Variants in EPHB6 observed in about 807,000 individuals in gnomAD.
EPHB6 encodes the protein EPH receptor B6.
In EPHB6, 51 loss-of-function variants were observed where a neutral mutation model predicts 107.0. The ratio of observed to expected loss-of-function variants is 0.48; its 90% CI spans 0.38 to 0.60. The LOEUF (loss-of-function observed/expected upper bound fraction) is 0.60, where lower values mean the gene tolerates loss of function less well. Among genes scored for constraint, EPHB6 ranks in the 20% least tolerant of loss-of-function variants. The probability of loss-of-function intolerance (pLI) is 0.00; values close to 1 mark genes in which losing one functional copy is unlikely to be tolerated. For synonymous variants in EPHB6, 553 were observed against 549.0 expected (o/e 1.01, Z -0.10); for missense variants, 1,141 against 1,355.5 (o/e 0.84, Z 2.48).
At chr7:142,865,657 G>C (rs1803118154) in intron 8 of EPHB6, 27 bp downstream of exon 8, 1 of 1,610,994 alleles carries the variant, frequency 6.2e-7, no homozygotes, top group Non-Finnish European at 8.5e-7. Flanking sequence ...GCCCTGCAAT[G>C]GGAAAGAGAC....
chr7:142,865,414 G>A (rs1490831815), intron 7 of EPHB6, 61 bp from the exon 8 acceptor site: 1 of 1,606,274 alleles, frequency 6.2e-7, no homozygotes, highest in East Asian at 2.2e-5. Context: ...GCTGTGTGTT[G>A]GGAGCTCAGG....
At position 142,865,950 on chromosome 7, in the gene EPHB6, G is replaced by A. The variant is rs1480930191; in HGVS notation, c.1106-10G>A. On this transcript the variant is annotated splice_polypyrimidine_tract_variant and intron_variant, in intron 8 of 19. Coordinates refer to ENST00000652003, the MANE Select transcript of EPHB6 (RefSeq NM_004445.6). ...TGGCCCTTGGACTGCCATATCCTCC[G>A]GCCCCCCAGGTCCTCCATCGGCTCC... The A allele has an allele frequency of 3.1e-6, 5 of 1,613,142 alleles. No homozygotes were observed. Among genetic ancestry groups the A allele is most frequent in the East Asian group, 4.5e-5 (2 of 44,854 alleles).
In EPHB6 at chr7:142,869,861, A is replaced by G. The variant is rs369501254; in HGVS notation, c.2505A>G (p.Ala835=). 3 of 1,614,112 alleles carry G rather than the reference A, an allele frequency of 1.9e-6. No individual in the cohort carries two copies. The African/African-American group carries it at 4.0e-5, about 22-fold the overall frequency. The part of the protein sequence containing the change: ...LLRWAAPEVI[A]HGKHTTSSDV... ...GCTGGGCAGCCCCAGAGGTCATTGC[A>G]CATGGAAAGCATACAACATCCAGTG... The change falls in exon 17 of 20, where the codon GCA becomes GCG. Residue 835 remains alanine (A), a synonymous_variant. Transcript: ENST00000652003. This position sits in a 1 kb window ranked among gnomAD's most constrained non-coding sequence, Gnocchi z 4.5.
chr7:142,868,051 T>C lies in EPHB6; in HGVS notation c.1918+2T>C. 1.2e-6 allele frequency: 2 copies of C among 1,601,304 alleles called. No individual in the cohort carries two copies. Among genetic ancestry groups the C allele is most frequent in the East Asian group, 2.3e-5 (1 of 44,268 alleles). On this transcript the variant is annotated splice_donor_variant, in intron 13 of 19. Transcript: ENST00000652003. LOFTEE classifies it high-confidence loss of function. This position sits in a 1 kb window ranked among gnomAD's most constrained non-coding sequence, Gnocchi z 4.2. Reference sequence around the variant, plus strand: ...AGCTGCAGCAATACAGCAGCCCAGGTGGGGATGAGGAGAGGAAATGGGTGG... The same window carrying C: ...AGCTGCAGCAATACAGCAGCCCAGGCGGGGATGAGGAGAGGAAATGGGTGG...
At chr7:142,870,728 CT>C (rs774977197) in intron 19 of EPHB6, 43 bp downstream of exon 19, 1 of 1,613,992 alleles carries the variant, frequency 6.2e-7, no homozygotes. Context: ...CTCCAGGCCC[CT>C]GGCTGGGGGT....
rs1464221384 is a variant in EPHB6, at chr7:142,869,738, A to G, written c.2461-79A>G. 2.6e-6 allele frequency: 4 copies of G among 1,526,116 alleles called. No homozygotes were observed. The highest frequency in any genetic ancestry group is 3.6e-6 in the Non-Finnish European group (4 of 1,111,228). The allele number at this position is 1,526,116 out of a possible 1,614,324, so 94.5% of individuals were successfully genotyped here. On this transcript the variant is annotated intron_variant, in intron 16 of 19. Coordinates refer to ENST00000652003, the MANE Select transcript of EPHB6 (RefSeq NM_004445.6). The surrounding 1 kb of genome is among the most constrained non-coding windows in gnomAD (Gnocchi z 4.5). ...ATGCTTGATGTAAAACCCTTGGCATATCTGAGCACATAGTAGTTGCTCAAT... is the reference window on the plus strand; with the variant it reads ...ATGCTTGATGTAAAACCCTTGGCATGTCTGAGCACATAGTAGTTGCTCAAT...
Position 142,867,398 on chromosome 7 carries a change from A to ATG in EPHB6, c.1751-198_1751-197dup, listed in dbSNP as rs1030947220. On this transcript the variant is annotated intron_variant, in intron 11 of 19. Coordinates refer to ENST00000652003, the MANE Select transcript of EPHB6 (RefSeq NM_004445.6). The surrounding 1 kb of genome is among the most constrained non-coding windows in gnomAD (Gnocchi z 5.3). Reference sequence around the variant, plus strand: ...TGTGTGGATGTGGAGGGCTGTGGGGATGTGTGTGTGTGTTGTGTGTCCCTG... The same window carrying ATG: ...TGTGTGGATGTGGAGGGCTGTGGGGATGTGTGTGTGTGTGTTGTGTGTCCCTG... The ATG allele has an allele frequency of 5.5e-5, 35 of 637,892 alleles. No individual in the cohort carries two copies. Among genetic ancestry groups the ATG allele is most frequent in the Non-Finnish European group, 8.8e-5 (31 of 351,520 alleles). 39.5% of individuals were successfully genotyped at this position (637,892 alleles called of 1,614,324 possible).
chr7:142,861,858 G>C (rs915288529), intron 2 of EPHB6, 159 bp from the exon 3 acceptor site: 9 of 152,208 alleles, frequency 5.9e-5, no homozygotes, highest in African/African-American at 2.2e-4. Context: ...CCTCCCAAGA[G>C]AATATTCCAA....
chr7:142,863,842 C>G (rs1257595615), intron 6 of EPHB6, 124 bp from the exon 7 acceptor site: 2 of 1,506,536 alleles, frequency 1.3e-6, no homozygotes, highest in African/African-American at 2.8e-5. Context: ...AAGGTATCCT[C>G]TATCTGCTTT....
intron 1 of EPHB6, among the ~76,000 whole-genome samples, chr7:142,860,193 A>G (rs1369004140): frequency 6.6e-6 from 1 of 152,220 alleles, no homozygotes; most frequent in Non-Finnish European, 1.5e-5. Context: ...TAAGCTTGAG[A>G]AGACACAGGG....
chr7:142,868,962 C>T lies in EPHB6; in HGVS notation c.2287-12C>T, dbSNP rs575996209. The T allele has an allele frequency of 8.0e-5, 128 of 1,606,100 alleles. 3 individuals are homozygous for T. In the South Asian group the frequency reaches 1.4e-3, roughly 17 times the overall value. On this transcript the variant is annotated splice_polypyrimidine_tract_variant and intron_variant, in intron 15 of 19. Transcript: ENST00000652003. This position sits in a 1 kb window ranked among gnomAD's most constrained non-coding sequence, Gnocchi z 4.2. ...CGATCACTGACCTCTGCCCCCTGCC[C>T]CTTCCCCTCAGCAGCGGGAGGGCCA...
chr7:142,866,736 C>T lies in EPHB6; in HGVS notation c.1587+131C>T. ...AACAGGGCTGGCAGGAGCTCACAGTCCCCACAGTAGGGGCCAGAGGCTGAA... is the reference window on the plus strand; with the variant it reads ...AACAGGGCTGGCAGGAGCTCACAGTTCCCACAGTAGGGGCCAGAGGCTGAA... On this transcript the variant is annotated intron_variant, in intron 10 of 19. Coordinates refer to ENST00000652003, the MANE Select transcript of EPHB6 (RefSeq NM_004445.6). This position sits in a 1 kb window ranked among gnomAD's most constrained non-coding sequence, Gnocchi z 5.2. 6.3e-7 allele frequency: 1 copy of T among 1,583,830 alleles called. No individual in the cohort carries two copies. Among genetic ancestry groups the T allele is most frequent in the Non-Finnish European group, 8.6e-7 (1 of 1,157,832 alleles).
In EPHB6 at chr7:142,864,008, C is replaced by T. The variant is rs1802984293; in HGVS notation, c.208C>T (p.Arg70Trp). 1.9e-6 allele frequency: 3 copies of T among 1,614,180 alleles called. No individual in the cohort carries two copies. The highest frequency in any genetic ancestry group is 1.7e-6 in the Non-Finnish European group (2 of 1,180,030). ...TCTGGACGACCAGCGACGCCTGACT[C>T]GGACCTTTGAGGCATGTCATGTGGC... ...SVLDDQRRLTRTFEACHVAGA... is the reference protein window; with the variant it reads ...SVLDDQRRLTWTFEACHVAGA... Residue 70 changes from arginine (R) to tryptophan (W), a missense_variant, in exon 7 of 20, where the codon CGG becomes TGG. Transcript: ENST00000652003.
intron 1 of EPHB6, among the ~76,000 whole-genome samples, chr7:142,857,904 T>A (rs1802677517): frequency 6.6e-6 from 1 of 152,236 alleles, no homozygotes; most frequent in Admixed American, 6.5e-5. Flanking sequence ...ATTACTTCAC[T>A]CATTCATTCT....
rs765172441 is a variant in EPHB6 at position 142,862,107 on chromosome 7, G to C, written c.-206G>C. The C allele has an allele frequency of 5.3e-5, 8 of 152,184 alleles. No individual in the cohort carries two copies. The highest frequency in any genetic ancestry group is 1.2e-4 in the Non-Finnish European group (8 of 68,048). The allele number at this position is 152,184 out of a possible 1,614,324, so 9.4% of individuals were successfully genotyped here. On this transcript the variant is annotated 5_prime_UTR_variant, in exon 3 of 20. Transcript: ENST00000652003. ...TAGGTTTCAGACTGCCCTCTTCTTT[G>C]TTGTGTCCTCGAATGGCAGAAAAAG...
chr7:142,861,328 A>G (rs8177127), intron 2 of EPHB6, 142 bp downstream of exon 2: 18 of 146,310 alleles, frequency 1.2e-4, no homozygotes, highest in African/African-American at 5.0e-4. Flanking sequence ...GATTAACTTT[A>G]CTAAACAGTT....
Position 142,868,017 on chromosome 7 carries a change from A to G in EPHB6, c.1886A>G (p.Tyr629Cys). 1 of 1,587,750 alleles carries G rather than the reference A, an allele frequency of 6.3e-7. No individual in the cohort carries two copies. Among genetic ancestry groups the G allele is most frequent in the Non-Finnish European group, 8.6e-7 (1 of 1,167,018 alleles). ...CTCAGGAAGCGGCGTGGGACTGGCTACACAGAGCAGCTGCAGCAATACAGC... is the reference window on the plus strand; with the variant it reads ...CTCAGGAAGCGGCGTGGGACTGGCTGCACAGAGCAGCTGCAGCAATACAGC... The part of the protein sequence containing the change: ...VFQRKRRGTG[Y>C]TEQLQQYSSP... The change falls in exon 13 of 20, where the codon TAC becomes TGC. Residue 629 changes from tyrosine to cysteine, a missense_variant. Transcript: ENST00000652003. The surrounding 1 kb of genome is among the most constrained non-coding windows in gnomAD (Gnocchi z 4.2).
chr7:142,857,139 C>A (rs1410836839), intron 1 of EPHB6, among the ~76,000 whole-genome samples: 1 of 152,206 alleles, frequency 6.6e-6, no homozygotes, highest in African/African-American at 2.4e-5. Context: ...CTAGACACTG[C>A]CTGCATCTTA....
intron 1 of EPHB6, among the ~76,000 whole-genome samples, chr7:142,858,015 G>A (rs1174124394): frequency 6.6e-6 from 1 of 152,116 alleles, no homozygotes; most frequent in East Asian, 1.9e-4. Context: ...TGAATAAAAT[G>A]TAAACGTATG....
Sources: gnomAD v4.1 joint callset for allele counts (sites outside exome capture counted in the v4.1 genomes callset) on GRCh38, gnomAD v4.1.1 for gene constraint, Gnocchi (gnomAD v3.1) non-coding constraint, MANE v1.5 for transcripts, NCBI Gene and HGNC (gene_info 2026-07-23, HGNC 2026-07-21) for gene names.